Variants in GALNT10 observed in about 807,000 individuals in gnomAD.
The protein encoded by GALNT10 is GalNAc transferase 10.
Under a neutral mutation model 75.0 loss-of-function variants are expected in GALNT10, and 41 were observed. The ratio of observed to expected loss-of-function variants is 0.55; its 90% CI spans 0.43 to 0.71. GALNT10 has a LOEUF of 0.71. GALNT10 is among the 30% of genes least tolerant of loss of function. GALNT10 has a pLI of 0.00. For missense variants in GALNT10, 727 were observed against 818.5 expected (o/e 0.89, Z 1.36); for synonymous variants, 302 against 313.0 (o/e 0.96, Z 0.37).
chr5:154,359,679 T>C (rs1581991463), intron 4 of GALNT10, among the ~76,000 whole-genome samples: 1 of 151,908 alleles, frequency 6.6e-6, no homozygotes, highest in Admixed American at 6.6e-5. Flanking sequence ...AGGGCCATCC[T>C]TTTGTGTGTC....
At chr5:154,274,157 A>G (rs1581950448) in intron 1 of GALNT10, among the ~76,000 whole-genome samples, 1 of 152,192 alleles carries the variant, frequency 6.6e-6, no homozygotes, top group Non-Finnish European at 1.5e-5. Context: ...AGCTGTGTAC[A>G]GGCTGAATGT....
intron 4 of GALNT10, among the ~76,000 whole-genome samples, chr5:154,330,705 T>C (rs1754843381): frequency 6.6e-6 from 1 of 152,188 alleles, no homozygotes; most frequent in African/African-American, 2.4e-5. Flanking sequence ...CTTTCACCAA[T>C]TGCAGCAAAA....
intron 1 of GALNT10, among the ~76,000 whole-genome samples, chr5:154,204,803 A>G (rs4958711): frequency 0.42 from 64,394 of 152,150 alleles, 14,579 homozygotes; most frequent in East Asian, 0.78. Context: ...TGAAATGTCC[A>G]CATAGCAACT....
chr5:154,294,769 A>T, intron 1 of GALNT10, 47 bp from the exon 2 acceptor site: 2 of 985,570 alleles, frequency 2.0e-6, no homozygotes, highest in Non-Finnish European at 3.3e-6. Context: ...GGCCTGTGTT[A>T]CTGATTTGCC....
intron 1 of GALNT10, among the ~76,000 whole-genome samples, chr5:154,279,275 TTTGTTGTTG>T (rs143621696): frequency 6.8e-5 from 10 of 146,292 alleles, no homozygotes; most frequent in Admixed American, 2.1e-4. Context: ...AATGCTAGTT[TTTGTTGTTG>T]TTGTTGTTGT....
rs1046951808 is a variant in GALNT10, at chr5:154,420,431, A to G, written c.*3459A>G. On this transcript the variant is annotated 3_prime_UTR_variant, in exon 12 of 12. Coordinates refer to ENST00000297107, the MANE Select transcript of GALNT10 (RefSeq NM_198321.4). ...GAGTGGCAAAGCACTTTACAGTAGT[A>G]ACTGAGGAATCAGAGTCTCTGCTTC... 6.6e-6 allele frequency: 1 copy of G among 152,220 alleles called. No homozygotes were observed. The highest frequency in any genetic ancestry group is 1.5e-5 in the Non-Finnish European group (1 of 68,048). 9.4% of individuals were successfully genotyped at this position (152,220 alleles called of 1,614,324 possible). A position where few individuals can be genotyped will look rare whatever the true frequency, so the allele number is the denominator to read the frequency against.
chr5:154,344,410 C>CCG (rs1176513565), intron 4 of GALNT10, among the ~76,000 whole-genome samples: 48 of 151,956 alleles, frequency 3.2e-4, no homozygotes, highest in African/African-American at 1.2e-3. Context: ...CAGGGTTTCA[C>CCG]TATGTTGGCC....
intron 3 of GALNT10, among the ~76,000 whole-genome samples, chr5:154,326,284 T>C (rs554870111): frequency 3.9e-5 from 6 of 152,320 alleles, no homozygotes; most frequent in African/African-American, 1.4e-4. Context: ...GGAAATCTCA[T>C]TTCACATTGC....
intron 1 of GALNT10, among the ~76,000 whole-genome samples, chr5:154,243,427 T>C (rs895873526): frequency 1.3e-5 from 2 of 152,220 alleles, no homozygotes; most frequent in Non-Finnish European, 2.9e-5. Flanking sequence ...TGGGTATACT[T>C]TCCCACATAA....
intron 1 of GALNT10, among the ~76,000 whole-genome samples, chr5:154,293,648 T>C (rs1268409855): frequency 1.3e-5 from 2 of 149,448 alleles, no homozygotes; most frequent in African/African-American, 5.0e-5. Flanking sequence ...AATTGCTTCT[T>C]CATACATTCC....
chr5:154,295,613 G>A (rs968207378), intron 2 of GALNT10, among the ~76,000 whole-genome samples: 2 of 152,180 alleles, frequency 1.3e-5, no homozygotes, highest in African/African-American at 2.4e-5. Flanking sequence ...GGGAAGGGTT[G>A]GGGTAAGGTG....
At chr5:154,408,326 T>TGA (rs1756326173) in intron 8 of GALNT10, among the ~76,000 whole-genome samples, 1 of 152,132 alleles carries the variant, frequency 6.6e-6, no homozygotes, top group African/African-American at 2.4e-5. Context: ...CCCTTTAACC[T>TGA]TTCAGAGGAA....
intron 8 of GALNT10, among the ~76,000 whole-genome samples, chr5:154,408,548 AC>A (rs1405380266): frequency 6.6e-6 from 1 of 152,068 alleles, no homozygotes; most frequent in East Asian, 1.9e-4. Flanking sequence ...AATTTTCATC[AC>A]ATACATAAGA....
At chr5:154,399,058 C>G (rs1042492796) in intron 7 of GALNT10, among the ~76,000 whole-genome samples, 1 of 152,174 alleles carries the variant, frequency 6.6e-6, no homozygotes, top group Non-Finnish European at 1.5e-5. Context: ...CAGCCATCAT[C>G]ATCCCCACAT....
chr5:154,216,379 T>TA (rs1261101216), intron 1 of GALNT10, among the ~76,000 whole-genome samples: 6 of 152,256 alleles, frequency 3.9e-5, no homozygotes, highest in South Asian at 4.1e-4. Flanking sequence ...CTGTGTTTTT[T>TA]AAAAAAATGT....
chr5:154,274,287 T>C (rs1753916435), intron 1 of GALNT10, among the ~76,000 whole-genome samples: 1 of 152,164 alleles, frequency 6.6e-6, no homozygotes, highest in South Asian at 2.1e-4. Context: ...CCTGGGGCTT[T>C]GATAGGTAGG....
At chr5:154,358,419 T>C (rs1180532235) in intron 4 of GALNT10, among the ~76,000 whole-genome samples, 1 of 152,174 alleles carries the variant, frequency 6.6e-6, no homozygotes, top group Non-Finnish European at 1.5e-5. Context: ...TGTTATCACC[T>C]TATATCATCC....
intron 5 of GALNT10, among the ~76,000 whole-genome samples, chr5:154,378,344 T>TCATC (rs1561676411): frequency 1.1e-4 from 7 of 65,074 alleles, no homozygotes; most frequent in South Asian, 4.1e-4. Context: ...TCATCATCAT[T>TCATC]ATCACGGCTC....
At chr5:154,363,324 C>A (rs771849309) in intron 4 of GALNT10, among the ~76,000 whole-genome samples, 1 of 150,834 alleles carries the variant, frequency 6.6e-6, no homozygotes, top group Admixed American at 6.6e-5. Context: ...TTTAGAATCA[C>A]AAAAAAATAG....
Sources: allele counts gnomAD v4.1 joint callset (sites outside exome capture counted in the v4.1 genomes callset), GRCh38; gene constraint gnomAD v4.1.1; transcripts MANE v1.5; gene names NCBI Gene and HGNC (gene_info 2026-07-23, HGNC 2026-07-21).